The following BSN variants were observed in gnomAD, a reference collection of about 807,000 sequenced individuals.
BSN encodes protein bassoon.
BSN carries 57 observed loss-of-function variants against 264.8 expected under a neutral mutation model. The observed-to-expected ratio is 0.22, with a 90% CI of 0.17 to 0.27. The LOEUF is 0.27. BSN is among the 10% of genes least tolerant of loss of function. BSN has a pLI of 1.00. For synonymous variants in BSN, 2,059 were observed against 2,137.3 expected (o/e 0.96, Z 1.01); for missense variants, 4,615 against 5,232.5 (o/e 0.88, Z 3.64).
intron 1 of BSN, among the ~76,000 whole-genome samples, chr3:49,582,562 G>A (rs1463139585): frequency 2.0e-5 from 3 of 152,222 alleles, no homozygotes; most frequent in Non-Finnish European, 4.4e-5. Flanking sequence ...TTATCTACAT[G>A]TAAGATCATG....
Position 49,655,310 on chromosome 3 carries a change from C to T in BSN, c.5754C>T (p.His1918=). The T allele has an allele frequency of 6.2e-7, 1 of 1,611,386 alleles. No individual in the cohort carries two copies. The highest frequency in any genetic ancestry group is 8.5e-7 in the Non-Finnish European group (1 of 1,179,112). The change falls in exon 5 of 12, where the codon CAC becomes CAT. Residue 1918 remains histidine, a synonymous_variant. Coordinates refer to ENST00000296452, the MANE Select transcript of BSN (RefSeq NM_003458.4). ...GCAGCAGCTGCACTGGCACCTTCCA[C>T]CCGGCCCCCAGTGTGCCTGAGAAGA... The part of the protein sequence containing the change: ...PFGSSCTGTF[H]PAPSVPEKSM...
chr3:49,654,206 C>G lies in BSN; in HGVS notation c.4650C>G (p.Ser1550=). The part of the protein sequence containing the change: ...PSTPRLVWQE[S]SQEAPFMVIT... ...CGCCTCGCCTGGTGTGGCAGGAGTC[C>G]TCTCAAGAGGCTCCCTTTATGGTCA... is the stretch of plus-strand genomic sequence containing the variant. Residue 1550 remains serine, a synonymous_variant, in exon 5 of 12, where the codon TCC becomes TCG. Transcript: ENST00000296452. The surrounding 1 kb of genome is among the most constrained non-coding windows in gnomAD (Gnocchi z 4.1). 6.2e-7 allele frequency: 1 copy of G among 1,613,910 alleles called. No homozygotes were observed.
intron 1 of BSN, among the ~76,000 whole-genome samples, chr3:49,597,583 G>A (rs2052034463): frequency 6.6e-6 from 1 of 152,072 alleles, no homozygotes; most frequent in South Asian, 2.1e-4. Context: ...CTCCTGCGTT[G>A]GCCTCTCAAA....
intron 1 of BSN, among the ~76,000 whole-genome samples, chr3:49,604,577 T>C (rs1260714828): frequency 6.6e-6 from 1 of 152,172 alleles, no homozygotes; most frequent in African/African-American, 2.4e-5. Context: ...AATACTCCAT[T>C]GCATATATAT....
At chr3:49,630,466 G>A (rs2052376582) in intron 2 of BSN, among the ~76,000 whole-genome samples, 1 of 152,188 alleles carries the variant, frequency 6.6e-6, no homozygotes, top group South Asian at 2.1e-4. Context: ...TAGTCACTCT[G>A]GAGCAGCCAG....
rs192100077 is a variant in BSN at position 49,601,499 on chromosome 3, G to C, written c.225-23476G>C. Among the ~76,000 whole-genome samples the C allele has an allele frequency of 2.7e-3, 417 of 152,284 alleles. 3 individuals are homozygous for C. Among genetic ancestry groups the C allele is most frequent in the African/African-American group, 9.3e-3 (387 of 41,566 alleles). On this transcript the variant is annotated intron_variant, in intron 1 of 11. Transcript: ENST00000296452. ...ATGGCTTCTTTGAGGTTCGTCTTCTGAGTATAGCACCTCCCTCCAGTGCCA... is the reference window on the plus strand; with the variant it reads ...ATGGCTTCTTTGAGGTTCGTCTTCTCAGTATAGCACCTCCCTCCAGTGCCA...
chr3:49,669,554 C>A lies in BSN; in HGVS notation c.*2069C>A, dbSNP rs890641116. The A allele has an allele frequency of 5.9e-5, 9 of 152,556 alleles. No homozygotes were observed. Among genetic ancestry groups the A allele is most frequent in the Admixed American group, 5.9e-4 (9 of 15,280 alleles). 9.5% of individuals were successfully genotyped at this position (152,556 alleles called of 1,614,324 possible). A position where few individuals can be genotyped will look rare whatever the true frequency, so the allele number is the denominator to read the frequency against. ...AGAGCCAGGCTGTGCCCGAGGGACC[C>A]CAGCTCTTGACTGCACCTGTTTCAT... is the stretch of plus-strand genomic sequence containing the variant. On this transcript the variant is annotated 3_prime_UTR_variant, in exon 12 of 12. Coordinates refer to ENST00000296452, the MANE Select transcript of BSN (RefSeq NM_003458.4).
intron 1 of BSN, among the ~76,000 whole-genome samples, chr3:49,568,168 T>C (rs1044134879): frequency 1.2e-4 from 18 of 152,204 alleles, no homozygotes; most frequent in African/African-American, 3.9e-4. Context: ...ACTCTGTCAG[T>C]ACATGTGGGA....
chr3:49,610,584 C>CAAAAAAAA (rs60726552), intron 1 of BSN, among the ~76,000 whole-genome samples: 13 of 71,166 alleles, frequency 1.8e-4, no homozygotes, highest in Admixed American at 4.2e-4. Context: ...AATTTCATCT[C>CAAAAAAAA]AAAAAAAAAA....
At position 49,662,546 on chromosome 3, in the gene BSN, G is replaced by C. The variant is rs1340605879; in HGVS notation, c.10701G>C (p.Val3567=). 1.3e-6 allele frequency: 2 copies of C among 1,589,050 alleles called. No homozygotes were observed. The highest frequency in any genetic ancestry group is 1.7e-6 in the Non-Finnish European group (2 of 1,166,734). ...ACATCCTGGATGATTCCCATTGCGT[G>C]GTTTCCGACAGCGAAGGTAATGGCA... ...EGYILDDSHC[V]VSDSEAYHLG... The change falls in exon 6 of 12, where the codon GTG becomes GTC. Residue 3567 remains valine, a synonymous_variant. Transcript: ENST00000296452.
At chr3:49,599,051 T>TAG (rs921668685) in intron 1 of BSN, among the ~76,000 whole-genome samples, 3 of 152,176 alleles carry the variant, frequency 2.0e-5, no homozygotes, top group African/African-American at 7.2e-5. Flanking sequence ...TGGGTATGTA[T>TAG]AGAGTCTTCC....
intron 1 of BSN, among the ~76,000 whole-genome samples, chr3:49,564,437 G>A (rs574191886): frequency 4.6e-5 from 7 of 152,334 alleles, no homozygotes; most frequent in Admixed American, 4.6e-4. Flanking sequence ...TTCCAACCTA[G>A]TGAGACTCTT....
intron 1 of BSN, among the ~76,000 whole-genome samples, chr3:49,602,397 C>A (rs1164097910): frequency 6.6e-6 from 1 of 151,864 alleles, no homozygotes; most frequent in African/African-American, 2.4e-5. Context: ...AGGTACCAAT[C>A]CTTGCTCTGC....
At chr3:49,599,874 A>C (rs537809998) in intron 1 of BSN, among the ~76,000 whole-genome samples, 27 of 152,282 alleles carry the variant, frequency 1.8e-4, no homozygotes, top group African/African-American at 5.8e-4. Context: ...TGGGTGGGTA[A>C]CATGGACTCT....
chr3:49,662,831 C>T (rs764424969), intron 6 of BSN, 45 bp from the exon 7 acceptor site: 38 of 1,517,968 alleles, frequency 2.5e-5, no homozygotes, highest in South Asian at 1.2e-4. Flanking sequence ...CCTCCCCCTG[C>T]GGCTAGCCCG....
chr3:49,662,075 T>C lies in BSN; in HGVS notation c.10230T>C (p.Tyr3410=). 1 of 1,613,616 alleles carries C rather than the reference T, an allele frequency of 6.2e-7. No individual in the cohort carries two copies. Among genetic ancestry groups the C allele is most frequent in the East Asian group, 2.2e-5 (1 of 44,890 alleles). Residue 3410 remains tyrosine (Y), a synonymous_variant, in exon 6 of 12, where the codon TAT becomes TAC. Transcript: ENST00000296452. ...GGAAGTTCCAGGATGAAATCACCTA[T>C]GGGCTCAAGAAGAACGTGTATGAGC... ...RGRKFQDEIT[Y]GLKKNVYEQQ...
At chr3:49,597,592 A>G (rs751868060) in intron 1 of BSN, among the ~76,000 whole-genome samples, 2 of 152,124 alleles carry the variant, frequency 1.3e-5, no homozygotes, top group Non-Finnish European at 2.9e-5. Flanking sequence ...TGGCCTCTCA[A>G]AGTGCTGAGA....
In BSN at chr3:49,652,406, A is replaced by G. The variant is rs750297688; in HGVS notation, c.2850A>G (p.Gln950=). The part of the protein sequence containing the change: ...GSYGHELDLG[Q]GPDPSLDREP... ...ATGGTCATGAGTTGGACCTGGGCCA[A>G]GGCCCAGACCCCAGTCTGGACCGGG... Residue 950 remains glutamine (Q), a synonymous_variant, in exon 5 of 12, where the codon CAA becomes CAG. Transcript: ENST00000296452. The G allele has an allele frequency of 3.7e-6, 6 of 1,609,958 alleles. No individual in the cohort carries two copies. Among genetic ancestry groups the G allele is most frequent in the South Asian group, 2.2e-5 (2 of 90,676 alleles).
At chr3:49,623,745 A>C (rs2052321300) in intron 1 of BSN, among the ~76,000 whole-genome samples, 1 of 152,348 alleles carries the variant, frequency 6.6e-6, no homozygotes, top group South Asian at 2.1e-4. Context: ...CAGGCCCCTG[A>C]TACAGGAGAT....
Sources: gnomAD v4.1 joint callset for allele counts (sites outside exome capture counted in the v4.1 genomes callset) on GRCh38, gnomAD v4.1.1 for gene constraint, Gnocchi (gnomAD v3.1) non-coding constraint, MANE v1.5 for transcripts, NCBI Gene and HGNC (gene_info 2026-07-23, HGNC 2026-07-21) for gene names.